The following TATDN3 variants were observed in gnomAD, a reference collection of about 807,000 sequenced individuals.
The protein encoded by TATDN3 is TatD DNase domain containing 3.
Under a neutral mutation model 40.1 loss-of-function variants are expected in TATDN3, and 29 were observed. The observed-to-expected ratio is 0.72, with a 90% CI of 0.54 to 0.99. The LOEUF (loss-of-function observed/expected upper bound fraction) is 0.99, where lower values mean the gene tolerates loss of function less well. Ranked by LOEUF, TATDN3 falls within the 50% of genes least tolerant of loss-of-function variation. TATDN3 has a pLI of 0.00. For synonymous variants in TATDN3, 105 were observed against 117.0 expected (o/e 0.90, Z 0.66); for missense variants, 309 against 321.9 (o/e 0.96, Z 0.31).
At chr1:212,814,704 A>T (rs1663090402) in intron 9 of TATDN3, among the ~76,000 whole-genome samples, 1 of 152,190 alleles carries the variant, frequency 6.6e-6, no homozygotes, top group South Asian at 2.1e-4. Context: ...CTAAGCAACA[A>T]ACCAAAGGAC....
At chr1:212,792,139 T>C in intron 1 of TATDN3, 152 bp downstream of exon 1, 1 of 749,744 alleles carries the variant, frequency 1.3e-6, no homozygotes, top group East Asian at 2.8e-5. Flanking sequence ...CATTTCCCTA[T>C]TCCCTATTTA....
intron 1 of TATDN3, among the ~76,000 whole-genome samples, chr1:212,793,223 T>A (rs544058963): frequency 2.0e-5 from 3 of 152,320 alleles, no homozygotes; most frequent in East Asian, 1.9e-4. Context: ...TTCATTTTTT[T>A]ATTTTTTTAG....
intron 5 of TATDN3, 99 bp downstream of exon 5, chr1:212,802,862 G>A (rs1459900357): frequency 3.8e-6 from 3 of 788,734 alleles, no homozygotes; most frequent in Admixed American, 2.4e-5. Context: ...TAACTGACTT[G>A]TATAATTATG....
At chr1:212,797,303 A>G in intron 4 of TATDN3, 107 bp downstream of exon 4, 1 of 824,306 alleles carries the variant, frequency 1.2e-6, no homozygotes, top group Non-Finnish European at 1.9e-6. Flanking sequence ...ATAATCCAAA[A>G]GAAGGAAACA....
rs1663156198 is a variant in TATDN3, at chr1:212,815,883, TCTGGTTTTCTATG to T, written c.*731_*743del. On this transcript the variant is annotated 3_prime_UTR_variant, in exon 10 of 10. Coordinates refer to ENST00000366974, the MANE Select transcript of TATDN3 (RefSeq NM_001042552.3). ...GGAGTTAGCCAGTGAAGGGAGAATGTCTGGTTTTCTATGCTGTCAGAAATCTCTTTTCTAGGTT... is the reference window on the plus strand; with the variant it reads ...GGAGTTAGCCAGTGAAGGGAGAATGTCTGTCAGAAATCTCTTTTCTAGGTT... 1 of 152,202 alleles carries T rather than the reference TCTGGTTTTCTATG, an allele frequency of 6.6e-6. No individual in the cohort carries two copies. The highest frequency in any genetic ancestry group is 1.5e-5 in the Non-Finnish European group (1 of 68,044). The allele number at this position is 152,202 out of a possible 1,614,324, so 9.4% of individuals were successfully genotyped here. A position where few individuals can be genotyped will look rare whatever the true frequency, so the allele number is the denominator to read the frequency against.
intron 4 of TATDN3, among the ~76,000 whole-genome samples, chr1:212,799,042 T>C (rs942509017): frequency 7.2e-5 from 11 of 152,120 alleles, no homozygotes; most frequent in African/African-American, 2.7e-4. Flanking sequence ...AAAGAGAGGA[T>C]CAGGGTGTTA....
chr1:212,794,883 A>C lies in TATDN3; in HGVS notation c.67-212A>C, dbSNP rs148034432. The C allele has an allele frequency of 9.4e-4, 619 of 659,764 alleles. 4 individuals carry two copies. In the African/African-American group the frequency reaches 0.01, roughly 11 times the overall value. 40.9% of individuals were successfully genotyped at this position (659,764 alleles called of 1,614,324 possible). A position where few individuals can be genotyped will look rare whatever the true frequency, so the allele number is the denominator to read the frequency against. ...AAATACCCTGTATATTTGACAATAG[A>C]GGCTTCTGTTTTAGTGCTGGGAACA... On this transcript the variant is annotated intron_variant, in intron 1 of 9. Coordinates refer to ENST00000366974, the MANE Select transcript of TATDN3 (RefSeq NM_001042552.3).
chr1:212,799,929 C>A (rs1198863016), intron 4 of TATDN3, among the ~76,000 whole-genome samples: 3 of 152,124 alleles, frequency 2.0e-5, no homozygotes, highest in Non-Finnish European at 4.4e-5. Context: ...CAGAGTTAGC[C>A]CTATTTTATT....
Position 212,803,890 on chromosome 1 carries a change from G to T in TATDN3, c.322-430G>T, listed in dbSNP as rs1465471921. On this transcript the variant is annotated intron_variant, in intron 5 of 9. Transcript: ENST00000366974. ...GTCTCTACTAAAAACACAAAAATTA[G>T]CCGGGCGTGGTAGCAGGCACCTGTA... Among the ~76,000 whole-genome samples, 3 of 151,952 alleles carry T rather than the reference G, an allele frequency of 2.0e-5. No individual in the cohort carries two copies. The East Asian group carries it at 5.8e-4, about 29-fold the overall frequency.
At chr1:212,801,580 G>A (rs1662178896) in intron 4 of TATDN3, among the ~76,000 whole-genome samples, 1 of 152,052 alleles carries the variant, frequency 6.6e-6, no homozygotes, top group Admixed American at 6.6e-5. Flanking sequence ...TGTGACTCAG[G>A]CTTTCTAAGT....
Position 212,812,308 on chromosome 1 carries a change from G to C in TATDN3, c.661G>C (p.Ala221Pro), listed in dbSNP as rs1363555376. The C allele has an allele frequency of 6.4e-7, 1 of 1,557,786 alleles. No homozygotes were observed. ...TATATGCTTAGAAACAGATTCACCTGCACTAGGACCAGAAAAACAGGTAAA... is the reference window on the plus strand; with the variant it reads ...TATATGCTTAGAAACAGATTCACCTCCACTAGGACCAGAAAAACAGGTAAA... ...TSICLETDSP[A>P]LGPEKQVRNE... Residue 221 changes from alanine (A) to proline (P), a missense_variant, in exon 9 of 10, where the codon GCA becomes CCA. Physicochemically the swap from Ala to Pro is conservative, Grantham distance 27. Transcript: ENST00000366974.
At chr1:212,794,059 T>C (rs1661552633) in intron 1 of TATDN3, among the ~76,000 whole-genome samples, 1 of 151,700 alleles carries the variant, frequency 6.6e-6, no homozygotes. Flanking sequence ...GGTGGGCAGA[T>C]CATAAGGTTA....
chr1:212,800,880 G>A (rs1662131325), intron 4 of TATDN3, among the ~76,000 whole-genome samples: 1 of 150,500 alleles, frequency 6.6e-6, no homozygotes, highest in Non-Finnish European at 1.5e-5. Flanking sequence ...AAGGTATAGG[G>A]GTATGTAATC....
In TATDN3 at chr1:212,797,258, G is replaced by A. The variant is rs552979229; in HGVS notation, c.258+62G>A. The A allele has an allele frequency of 8.1e-5, 97 of 1,200,332 alleles. No homozygotes were observed. The African/African-American group carries it at 1.2e-3, about 14-fold the overall frequency. The allele number at this position is 1,200,332 out of a possible 1,614,324, so 74.4% of individuals were successfully genotyped here. ...ACAAACGAAAGAATTATTTGACTCA[G>A]TAATCCTCCTCTTTCTAATTTATAT... On this transcript the variant is annotated intron_variant, in intron 4 of 9. Transcript: ENST00000366974.
At chr1:212,807,458 G>A (rs1056605450) in intron 7 of TATDN3, among the ~76,000 whole-genome samples, 9 of 151,872 alleles carry the variant, frequency 5.9e-5, no homozygotes. Context: ...TCACCATGTT[G>A]GCCAGGCTGG....
In TATDN3 at chr1:212,812,243, C is replaced by CT; in HGVS notation, c.601-4dup. The stretch of plus-strand genomic sequence containing the variant: ...TAAACTTAGCTGCTTTCTCTTTTCT[C>CT]TAAGAAGCAGAAACTTGTGAAACAA... On this transcript the variant is annotated splice_polypyrimidine_tract_variant and splice_region_variant and intron_variant, in intron 8 of 9. Transcript: ENST00000366974. The CT allele has an allele frequency of 6.4e-7, 1 of 1,563,514 alleles. No homozygotes were observed. Among genetic ancestry groups the CT allele is most frequent in the Non-Finnish European group, 8.6e-7 (1 of 1,158,560 alleles).
At chr1:212,794,102 A>T (rs1270471348) in intron 1 of TATDN3, among the ~76,000 whole-genome samples, 69 of 151,176 alleles carry the variant, frequency 4.6e-4, no homozygotes, top group Non-Finnish European at 1.8e-4. Context: ...AACATGGTGA[A>T]ACCCTGTCGC....
intron 8 of TATDN3, 163 bp from the exon 9 acceptor site, chr1:212,812,085 G>A (rs1201585083): frequency 6.6e-6 from 3 of 451,730 alleles, no homozygotes; most frequent in South Asian, 3.0e-5. Context: ...CACCCGCCTC[G>A]GCCTCCCAAA....
At chr1:212,804,483 C>T in intron 6 of TATDN3, 54 bp downstream of exon 6, 1 of 1,550,294 alleles carries the variant, frequency 6.5e-7, no homozygotes, top group Non-Finnish European at 8.9e-7. Flanking sequence ...AAATAATGAT[C>T]AGAGTTCTCC....
Sources: allele counts gnomAD v4.1 joint callset (sites outside exome capture counted in the v4.1 genomes callset), GRCh38; gene constraint gnomAD v4.1.1; transcripts MANE v1.5; gene names NCBI Gene and HGNC (gene_info 2026-07-23, HGNC 2026-07-21).